The following LYRM4 variants were observed in gnomAD, a reference collection of about 807,000 sequenced individuals.
LYRM4 encodes LYR motif-containing protein 4.
Under a neutral mutation model 11.7 loss-of-function variants are expected in LYRM4, and 9 were observed. The ratio of observed to expected loss-of-function variants is 0.77; its 90% CI spans 0.46 to 1.34. LYRM4 has a LOEUF of 1.34. Among genes scored for constraint, LYRM4 ranks in the 40% most tolerant of loss-of-function variants. The probability of loss-of-function intolerance (pLI) is 0.00; values close to 1 mark genes in which losing one functional copy is unlikely to be tolerated. For missense variants in LYRM4, 133 were observed against 112.5 expected, an observed-to-expected ratio of 1.18 and a Z score of -0.82; for synonymous variants, 42 against 40.4, an observed-to-expected ratio of 1.04 and a Z score of -0.15.
At chr6:5,157,838 T>C (rs1174478970) in intron 2 of LYRM4, among the ~76,000 whole-genome samples, 2 of 152,166 alleles carry the variant, frequency 1.3e-5, no homozygotes, top group Non-Finnish European at 2.9e-5. Context: ...CAGAGTAGGG[T>C]AACATGAATT....
intron 2 of LYRM4, chr6:5,113,304 A>G (rs1561804157): frequency 2.2e-6 from 1 of 449,304 alleles, no homozygotes; most frequent in East Asian, 7.3e-5. Context: ...ACGCGCCAAT[A>G]ATCCCAGCTA....
At chr6:5,094,488 C>T in the LYRM4 span, among the ~76,000 whole-genome samples, 1 of 152,146 alleles carries the variant, frequency 6.6e-6, no homozygotes, top group African/African-American at 2.4e-5. Context: ...TATTTCTTAA[C>T]AAAAACAAAA....
the LYRM4 span, chr6:5,089,488 G>A: frequency 6.6e-6 from 1 of 152,140 alleles, no homozygotes; most frequent in Non-Finnish European, 1.5e-5. Flanking sequence ...TTCAAACAGA[G>A]ATCTTTGTGT....
intron 2 of LYRM4, among the ~76,000 whole-genome samples, chr6:5,155,584 T>C (rs1758363509): frequency 6.6e-6 from 1 of 152,184 alleles, no homozygotes; most frequent in Non-Finnish European, 1.5e-5. Context: ...CCAACATTTA[T>C]ATATCTTTTA....
the LYRM4 span, among the ~76,000 whole-genome samples, chr6:5,041,945 G>T: frequency 7.7e-3 from 1,177 of 152,260 alleles, 9 homozygotes; most frequent in Non-Finnish European, 0.014. Context: ...ATGATTTAAG[G>T]TATTTGTTTT....
chr6:5,073,198 T>A, the LYRM4 span, among the ~76,000 whole-genome samples: 1 of 151,890 alleles, frequency 6.6e-6, no homozygotes. Flanking sequence ...CTAGCCAACA[T>A]CTCTACTTAA....
At chr6:5,169,254 A>G (rs953711605) in intron 2 of LYRM4, among the ~76,000 whole-genome samples, 1 of 152,168 alleles carries the variant, frequency 6.6e-6, no homozygotes, top group Non-Finnish European at 1.5e-5. Flanking sequence ...CTGAACACCA[A>G]ACCTTATCAC....
At chr6:5,240,476 T>G (rs1415734309) in intron 1 of LYRM4, 2 of 152,232 alleles carry the variant, frequency 1.3e-5, no homozygotes, top group South Asian at 2.1e-4. Flanking sequence ...GGGAGAAATA[T>G]CTATTAAAAT....
At chr6:5,097,723 G>T in the LYRM4 span, among the ~76,000 whole-genome samples, 1 of 152,150 alleles carries the variant, frequency 6.6e-6, no homozygotes, top group Non-Finnish European at 1.5e-5. Flanking sequence ...CCTCTTAAAG[G>T]CCCATTCTCT....
chr6:5,229,786 C>T (rs1763123995), intron 1 of LYRM4, among the ~76,000 whole-genome samples: 1 of 152,182 alleles, frequency 6.6e-6, no homozygotes. Context: ...GAAAGTAACA[C>T]TGTCTTAAAA....
At chr6:5,034,920 C>T in the LYRM4 span, among the ~76,000 whole-genome samples, 11,788 of 151,530 alleles carry the variant, frequency 0.078, 606 homozygotes, top group East Asian at 0.19. Context: ...GCAGGGCAGG[C>T]GAGGCGAGTT....
At chr6:5,153,934 C>T (rs745675851) in intron 2 of LYRM4, among the ~76,000 whole-genome samples, 2 of 152,164 alleles carry the variant, frequency 1.3e-5, no homozygotes, top group African/African-American at 2.4e-5. Context: ...AACCCTGAAA[C>T]GCCCTAAACA....
At chr6:5,141,455 C>G (rs1427300079) in intron 2 of LYRM4, among the ~76,000 whole-genome samples, 1 of 152,210 alleles carries the variant, frequency 6.6e-6, no homozygotes, top group East Asian at 1.9e-4. Context: ...TCTTCAATAG[C>G]CTGGGCAGGA....
At chr6:5,110,530 G>C (rs972868721) in intron 2 of LYRM4, among the ~76,000 whole-genome samples, 1 of 152,180 alleles carries the variant, frequency 6.6e-6, no homozygotes, top group African/African-American at 2.4e-5. Flanking sequence ...GTATCTTGAA[G>C]GTCCGTGGCA....
the LYRM4 span, among the ~76,000 whole-genome samples, chr6:5,038,265 G>A: frequency 7.0e-5 from 4 of 57,208 alleles, 2 homozygotes; most frequent in African/African-American, 9.3e-5. Context: ...GGGAAGAGGC[G>A]CTCCTCACTT....
At chr6:5,131,342 G>C (rs770382285) in intron 2 of LYRM4, among the ~76,000 whole-genome samples, 1 of 152,134 alleles carries the variant, frequency 6.6e-6, no homozygotes, top group African/African-American at 2.4e-5. Flanking sequence ...TAATCACAGA[G>C]AATTTGAATA....
chr6:5,186,714 T>C lies in LYRM4; in HGVS notation c.207+29904A>G, dbSNP rs945134654. 3.0e-6 allele frequency: 3 copies of C among 989,802 alleles called. No individual in the cohort carries two copies. In the South Asian group the frequency reaches 1.2e-4, roughly 40 times the overall value. 61.3% of individuals were successfully genotyped at this position (989,802 alleles called of 1,614,324 possible). A position where few individuals can be genotyped will look rare whatever the true frequency, so the allele number is the denominator to read the frequency against. On this transcript the variant is annotated intron_variant, in intron 2 of 2. Coordinates refer to ENST00000330636, the MANE Select transcript of LYRM4 (RefSeq NM_020408.6). The stretch of plus-strand genomic sequence containing the variant: ...AATTATAATTGTCTGCCGGGCACAG[T>C]GGTTCACACCTGTAATCCCAGCACT...
the LYRM4 span, among the ~76,000 whole-genome samples, chr6:5,077,475 G>A: frequency 1.3e-5 from 2 of 152,194 alleles, no homozygotes; most frequent in Non-Finnish European, 2.9e-5. Context: ...TGGACTCCCA[G>A]TGGTTTTTTC....
At position 5,109,080 on chromosome 6, in the gene LYRM4, A is replaced by G; in HGVS notation, c.*343T>C. The G allele has an allele frequency of 9.3e-7, 1 of 1,072,664 alleles. No individual in the cohort carries two copies. The highest frequency in any genetic ancestry group is 1.1e-6 in the Non-Finnish European group (1 of 882,862). 66.4% of individuals were successfully genotyped at this position (1,072,664 alleles called of 1,614,324 possible). A position where few individuals can be genotyped will look rare whatever the true frequency, so the allele number is the denominator to read the frequency against. On this transcript the variant is annotated 3_prime_UTR_variant, in exon 3 of 3. Coordinates refer to ENST00000330636, the MANE Select transcript of LYRM4 (RefSeq NM_020408.6). ...TATCTGGGGTCAAAGGCTCAGGGAG[A>G]TCATTCTTTTTATTGCCAAGGACCA... is the stretch of plus-strand genomic sequence containing the variant.
Sources: allele counts gnomAD v4.1 joint callset (sites outside exome capture counted in the v4.1 genomes callset), GRCh38; gene constraint gnomAD v4.1.1; transcripts MANE v1.5; gene names NCBI Gene and HGNC (gene_info 2026-07-23, HGNC 2026-07-21).